Variants in MYCBP2 observed in about 807,000 individuals in gnomAD.
MYCBP2 encodes the protein MYC binding protein 2.
MYCBP2 carries 120 observed loss-of-function variants against 525.3 expected under a neutral mutation model. The observed-to-expected ratio is 0.23, with a 90% confidence interval of 0.20 to 0.27. The LOEUF is 0.27. MYCBP2 is among the 10% of genes least tolerant of loss of function. MYCBP2 has a pLI of 1.00. For synonymous variants in MYCBP2, 1,894 were observed against 1,955.8 expected, an observed-to-expected ratio of 0.97 and a Z score of 0.83; for missense variants, 4,149 against 5,657.1, an observed-to-expected ratio of 0.73 and a Z score of 8.55.
chr13:77,298,290 A>G (rs768978767), intron 1 of MYCBP2, among the ~76,000 whole-genome samples: 7 of 152,232 alleles, frequency 4.6e-5, no homozygotes, highest in Non-Finnish European at 8.8e-5. Context: ...AGGTCTCAGC[A>G]TAAGTGTCAC....
At chr13:77,151,100 A>C in intron 46 of MYCBP2, 151 bp from the exon 47 acceptor site, 1 of 671,412 alleles carries the variant, frequency 1.5e-6, no homozygotes, top group Non-Finnish European at 2.5e-6. Context: ...CTTATTGAAA[A>C]GAGTTCAAAT....
chr13:77,067,521 A>C, intron 71 of MYCBP2, 60 bp downstream of exon 71: 2 of 1,533,632 alleles, frequency 1.3e-6, no homozygotes, highest in Non-Finnish European at 1.8e-6. Context: ...TATGTCTTAA[A>C]TTTCTGAACA....
chr13:77,055,066 G>A lies in MYCBP2; in HGVS notation c.13647+492C>T, dbSNP rs861142. 4.4e-3 allele frequency among the ~76,000 whole-genome samples: 661 copies of A among 151,880 alleles called. 5 individuals are homozygous for A. Among genetic ancestry groups the A allele is most frequent in the African/African-American group, 0.015 (616 of 41,390 alleles). ...ATAGATGTAAAAGAGGTCACCCAAG[G>A]TAAGGAAGTATTTATTAAGTAGGCA... On this transcript the variant is annotated intron_variant, in intron 80 of 82. Transcript: ENST00000544440.
At chr13:77,300,132 A>G (rs1051510188) in intron 1 of MYCBP2, among the ~76,000 whole-genome samples, 4 of 152,220 alleles carry the variant, frequency 2.6e-5, no homozygotes, top group Non-Finnish European at 5.9e-5. Context: ...TTCCTTGTAA[A>G]TCCTCTAAAA....
chr13:77,230,694 T>TCAGCCACC (rs2067006756), intron 18 of MYCBP2, among the ~76,000 whole-genome samples: 2 of 152,354 alleles, frequency 1.3e-5, no homozygotes, highest in South Asian at 2.1e-4. Flanking sequence ...CAAAGGTACC[T>TCAGCCACC]CAGCCACCCA....
intron 32 of MYCBP2, among the ~76,000 whole-genome samples, chr13:77,183,935 T>A (rs563815273): frequency 2.0e-4 from 30 of 152,266 alleles, no homozygotes; most frequent in African/African-American, 7.2e-4. Context: ...TTTACCAACT[T>A]TTTTTCTTCA....
At chr13:77,173,988 A>G (rs1421808890) in intron 37 of MYCBP2, among the ~76,000 whole-genome samples, 1 of 152,210 alleles carries the variant, frequency 6.6e-6, no homozygotes, top group East Asian at 1.9e-4. Flanking sequence ...GTATTTTATA[A>G]AAAGAAATGA....
rs959931787 is a variant in MYCBP2 at position 77,044,754 on chromosome 13, C to A, written c.*624G>T. ...AGATAATGAGGCACACTCAGTATTG[C>A]ACTTCATTAAAATTTCAGGCTCAAA... On this transcript the variant is annotated 3_prime_UTR_variant, in exon 83 of 83. Coordinates refer to ENST00000544440, the MANE Select transcript of MYCBP2 (RefSeq NM_015057.5). 5.0e-6 allele frequency: 2 copies of A among 398,810 alleles called. No homozygotes were observed. Among genetic ancestry groups the A allele is most frequent in the African/African-American group, 2.1e-5 (1 of 48,714 alleles). 24.7% of individuals were successfully genotyped at this position (398,810 alleles called of 1,614,324 possible).
intron 4 of MYCBP2, among the ~76,000 whole-genome samples, chr13:77,277,552 C>A (rs1010857908): frequency 4.1e-4 from 62 of 152,308 alleles, no homozygotes; most frequent in Non-Finnish European, 3.1e-4. Flanking sequence ...TAGTTAGGTT[C>A]ATGCAGTTTG....
chr13:77,259,976 C>T (rs1467774356), intron 13 of MYCBP2, among the ~76,000 whole-genome samples: 1 of 152,086 alleles, frequency 6.6e-6, no homozygotes, highest in Non-Finnish European at 1.5e-5. Context: ...TTCTTGAGAC[C>T]CTACAATGTG....
At chr13:77,286,180 A>G (rs1474048801) in intron 3 of MYCBP2, among the ~76,000 whole-genome samples, 3 of 152,216 alleles carry the variant, frequency 2.0e-5, no homozygotes, top group Non-Finnish European at 4.4e-5. Flanking sequence ...TGTGCAAAAG[A>G]ACTCAGACCA....
rs1163382088 is a variant in MYCBP2 at position 77,326,437 on chromosome 13, G to A, written c.302+37C>T. On this transcript the variant is annotated intron_variant, in intron 1 of 82. Coordinates refer to ENST00000544440, the MANE Select transcript of MYCBP2 (RefSeq NM_015057.5). This position sits in a 1 kb window ranked among gnomAD's most constrained non-coding sequence, Gnocchi z 4.2. Reference sequence around the variant, plus strand: ...CGCGGCATGGGGCGCAAGGAAGGGCGGCATGGGGCGCAAGGAAGGGCACCC... The same window carrying A: ...CGCGGCATGGGGCGCAAGGAAGGGCAGCATGGGGCGCAAGGAAGGGCACCC... 4.0e-6 allele frequency: 6 copies of A among 1,508,252 alleles called. No individual in the cohort carries two copies. Among genetic ancestry groups the A allele is most frequent in the Admixed American group, 4.4e-5 (2 of 45,400 alleles). The allele number at this position is 1,508,252 out of a possible 1,614,324, so 93.4% of individuals were successfully genotyped here. A position where few individuals can be genotyped will look rare whatever the true frequency, so the allele number is the denominator to read the frequency against.
Position 77,142,919 on chromosome 13 carries a change from A to C in MYCBP2, c.7303+1526T>G, listed in dbSNP as rs75851769. 1.7e-3 allele frequency among the ~76,000 whole-genome samples: 256 copies of C among 152,314 alleles called. 6 individuals carry two copies. In the East Asian group the frequency reaches 0.041, roughly 25 times the overall value. ...AATCAGAAAAAGTCCAAAATCTAGA[A>C]TACTTCTGGTGCCAAGCATTTCAGA... On this transcript the variant is annotated intron_variant, in intron 49 of 82. Coordinates refer to ENST00000544440, the MANE Select transcript of MYCBP2 (RefSeq NM_015057.5).
At chr13:77,300,973 T>C (rs2078722427) in intron 1 of MYCBP2, among the ~76,000 whole-genome samples, 1 of 152,100 alleles carries the variant, frequency 6.6e-6, no homozygotes, top group South Asian at 2.1e-4. Flanking sequence ...GGAACTCTAA[T>C]AAAGGAAACA....
At chr13:77,093,404 A>G (rs145667096) in intron 58 of MYCBP2, 72 bp from the exon 59 acceptor site, 3 of 1,334,512 alleles carry the variant, frequency 2.2e-6, no homozygotes, top group African/African-American at 2.9e-5. Context: ...AATCTCTTTC[A>G]TAACAGGAAA....
intron 47 of MYCBP2, among the ~76,000 whole-genome samples, chr13:77,149,555 T>A (rs750670510): frequency 6.6e-5 from 10 of 152,152 alleles, no homozygotes; most frequent in Non-Finnish European, 1.3e-4. Context: ...TGCTAATGAT[T>A]CCTGAATCCT....
At chr13:77,285,098 G>C (rs2076597620) in intron 3 of MYCBP2, among the ~76,000 whole-genome samples, 1 of 152,120 alleles carries the variant, frequency 6.6e-6, no homozygotes, top group Non-Finnish European at 1.5e-5. Flanking sequence ...GTTATCTTAA[G>C]AATGCCTGAT....
chr13:77,198,848 T>A (rs1271101262), intron 26 of MYCBP2, among the ~76,000 whole-genome samples: 1 of 152,186 alleles, frequency 6.6e-6, no homozygotes, highest in East Asian at 1.9e-4. Flanking sequence ...AAAATGGCTA[T>A]AAGAAAGTAG....
At chr13:77,163,515 T>C (rs2058186629) in intron 43 of MYCBP2, among the ~76,000 whole-genome samples, 1 of 152,122 alleles carries the variant, frequency 6.6e-6, no homozygotes, top group South Asian at 2.1e-4. Context: ...AATAAAACTT[T>C]AAACCATGTA....
Sources: gnomAD v4.1 joint callset for allele counts (sites outside exome capture counted in the v4.1 genomes callset) on GRCh38, gnomAD v4.1.1 for gene constraint, Gnocchi (gnomAD v3.1) non-coding constraint, MANE v1.5 for transcripts, NCBI Gene and HGNC (gene_info 2026-07-23, HGNC 2026-07-21) for gene names.